The following SEZ6L variants were observed in gnomAD, a reference collection of about 807,000 sequenced individuals.
The protein encoded by SEZ6L is seizure related 6 homolog like, also known as seizure 6-like protein.
SEZ6L carries 37 observed loss-of-function variants against 106.2 expected under a neutral mutation model. That is an observed-to-expected ratio of 0.35 (90% CI 0.27 to 0.46). The LOEUF (loss-of-function observed/expected upper bound fraction) is 0.46, where lower values mean the gene tolerates loss of function less well. Ranked by LOEUF, SEZ6L falls within the 20% of genes least tolerant of loss-of-function variation. The pLI, the probability that SEZ6L is intolerant of heterozygous loss-of-function variation, is 1.00. For missense variants in SEZ6L, 1,172 were observed against 1,332.8 expected (o/e 0.88, Z 1.88); for synonymous variants, 541 against 570.4 (o/e 0.95, Z 0.73).
intron 1 of SEZ6L, among the ~76,000 whole-genome samples, chr22:26,232,346 T>TCACACACA (rs10654892): frequency 0.011 from 1,432 of 133,242 alleles, 19 homozygotes; most frequent in Middle Eastern, 0.022. Context: ...TCTCTGTCTT[T>TCACACACA]CACACACACA....
chr22:26,292,470 G>A lies in SEZ6L; in HGVS notation c.159G>A (p.Glu53=). The A allele has an allele frequency of 6.2e-7, 1 of 1,613,996 alleles. No homozygotes were observed. The highest frequency in any genetic ancestry group is 1.3e-5 in the African/African-American group (1 of 75,038). The change falls in exon 2 of 17, where the codon GAG becomes GAA. Residue 53 remains glutamate (E), a synonymous_variant. Transcript: ENST00000248933. ...ACCTCCTGCCCTCAGGAGCCCCGGA[G>A]AGAGGCAGTCCTGGCAAAGAGCACC... The part of the protein sequence containing the change: ...GPYLLPSGAP[E]RGSPGKEHPE...
At chr22:26,299,973 C>T (rs2081403298) in intron 5 of SEZ6L, among the ~76,000 whole-genome samples, 1 of 152,204 alleles carries the variant, frequency 6.6e-6, no homozygotes, top group Non-Finnish European at 1.5e-5. Context: ...TCTCCACATC[C>T]TTGCCCACAT....
rs146209620 is a variant in SEZ6L, at chr22:26,226,620, G to A, written c.94+56857G>A. Among the ~76,000 whole-genome samples, 360 of 152,252 alleles carry A rather than the reference G, an allele frequency of 2.4e-3. 2 individuals are homozygous for A. Among genetic ancestry groups the A allele is most frequent in the African/African-American group, 8.1e-3 (336 of 41,536 alleles). On this transcript the variant is annotated intron_variant, in intron 1 of 16. Transcript: ENST00000248933. ...ATTCAGTGGAAATCAGACTCCTGGT[G>A]AGCTCTGTGGCAGAAACTGTGGATA...
intron 5 of SEZ6L, 78 bp from the exon 6 acceptor site, chr22:26,305,901 T>G: frequency 7.1e-7 from 1 of 1,402,782 alleles, no homozygotes; most frequent in Non-Finnish European, 9.9e-7. Context: ...TCTCTCTCTC[T>G]CTCTTTCTCT....
intron 4 of SEZ6L, 41 bp from the exon 5 acceptor site, chr22:26,298,943 C>T (rs367676441): frequency 9.3e-5 from 141 of 1,508,228 alleles, no homozygotes; most frequent in Non-Finnish European, 1.2e-4. Context: ...TGATCTGCCA[C>T]TCCAAGTGAT....
chr22:26,357,228 C>T (rs1030462145), intron 12 of SEZ6L, among the ~76,000 whole-genome samples: 3 of 152,258 alleles, frequency 2.0e-5, no homozygotes, highest in African/African-American at 4.8e-5. Flanking sequence ...TACAGCCATG[C>T]GCCACTGTGC....
intron 1 of SEZ6L, among the ~76,000 whole-genome samples, chr22:26,189,965 C>T (rs572714615): frequency 1.8e-4 from 27 of 152,044 alleles, no homozygotes; most frequent in Middle Eastern, 3.4e-3. Flanking sequence ...GGCGTGGTGG[C>T]GGGCACCTGT....
At chr22:26,359,318 G>A (rs1369664121) in intron 12 of SEZ6L, among the ~76,000 whole-genome samples, 2 of 152,184 alleles carry the variant, frequency 1.3e-5, no homozygotes, top group Non-Finnish European at 2.9e-5. Flanking sequence ...CTTCCTGCTT[G>A]AGGGGACTTT....
chr22:26,266,646 A>G (rs548024921), intron 1 of SEZ6L, among the ~76,000 whole-genome samples: 100 of 152,082 alleles, frequency 6.6e-4, no homozygotes, highest in African/African-American at 2.3e-3. Flanking sequence ...AAGAATAAAA[A>G]CCAAGGCCCC....
chr22:26,239,234 G>C (rs1240136924), intron 1 of SEZ6L, among the ~76,000 whole-genome samples: 1 of 152,160 alleles, frequency 6.6e-6, no homozygotes, highest in African/African-American at 2.4e-5. Context: ...AAAAAAAGGA[G>C]GGGGAGCATC....
At chr22:26,343,556 TA>T (rs2082913238) in intron 10 of SEZ6L, among the ~76,000 whole-genome samples, 1 of 152,190 alleles carries the variant, frequency 6.6e-6, no homozygotes, top group Non-Finnish European at 1.5e-5. Context: ...ATTTGGTTCA[TA>T]AAAAATCCCT....
At chr22:26,363,678 G>A (rs2083710947) in intron 12 of SEZ6L, among the ~76,000 whole-genome samples, 1 of 152,200 alleles carries the variant, frequency 6.6e-6, no homozygotes, top group South Asian at 2.1e-4. Flanking sequence ...GACAGTTTCT[G>A]TGGGTCAGAA....
chr22:26,369,179 C>A (rs1425104650), intron 13 of SEZ6L, among the ~76,000 whole-genome samples: 1 of 151,576 alleles, frequency 6.6e-6, no homozygotes, highest in Admixed American at 6.6e-5. Flanking sequence ...TTCTGATTCA[C>A]TGGGTCTAAA....
At position 26,306,161 on chromosome 22, in the gene SEZ6L, C is replaced by T. The variant is rs1437888548; in HGVS notation, c.1514+17C>T. The T allele has an allele frequency of 6.2e-7, 1 of 1,609,892 alleles. No individual in the cohort carries two copies. The highest frequency in any genetic ancestry group is 8.5e-7 in the Non-Finnish European group (1 of 1,179,186). On this transcript the variant is annotated intron_variant, in intron 6 of 16. Transcript: ENST00000248933. ...CAAGGACAGGTAAAGCTCTGAAGGT[C>T]CACACCCAACCCCGTTTCTTCCCAG...
At position 26,318,652 on chromosome 22, in the gene SEZ6L, T is replaced by C. The variant is rs756238582; in HGVS notation, c.2015+4750T>C. Among the ~76,000 whole-genome samples, 70 of 152,352 alleles carry C rather than the reference T, an allele frequency of 4.6e-4. No individual in the cohort carries two copies. In the Middle Eastern group the frequency reaches 0.01, roughly 22 times the overall value. On this transcript the variant is annotated intron_variant, in intron 9 of 16. Transcript: ENST00000248933. ...AATCCCATGAAGTAGTTGCAACTATTACATTTAATTATATCCTCTTGCTTC... is the reference window on the plus strand; with the variant it reads ...AATCCCATGAAGTAGTTGCAACTATCACATTTAATTATATCCTCTTGCTTC...
chr22:26,369,341 C>CTTTTTT lies in SEZ6L; in HGVS notation c.2794+3779_2794+3780insTTTTTT, dbSNP rs199641007. Among the ~76,000 whole-genome samples, 129 of 103,600 alleles carry CTTTTTT rather than the reference C, an allele frequency of 1.2e-3. 19 individuals carry two copies. The highest frequency in any genetic ancestry group is 8.3e-3 in the East Asian group (19 of 2,276). 68.0% of individuals were successfully genotyped at this position (103,600 alleles called of 152,430 possible). A position where few individuals can be genotyped will look rare whatever the true frequency, so the allele number is the denominator to read the frequency against. ...ATGACAATGACTTATATAAGCAGTT[C>CTTTTTT]TTTTGTTTTTTTTTTTGAGACAGAT... On this transcript the variant is annotated intron_variant, in intron 13 of 16. Transcript: ENST00000248933.
rs2084469141 is a variant in SEZ6L at position 26,383,333 on chromosome 22, G to A, written c.*3038G>A. 1 of 151,904 alleles carries A rather than the reference G, an allele frequency of 6.6e-6. No individual in the cohort carries two copies. The highest frequency in any genetic ancestry group is 1.5e-5 in the Non-Finnish European group (1 of 67,992). 9.4% of individuals were successfully genotyped at this position (151,904 alleles called of 1,614,324 possible). A position where few individuals can be genotyped will look rare whatever the true frequency, so the allele number is the denominator to read the frequency against. ...TGTGGGTAGCTTTAGGCTGAGGCAC[G>A]GGCCTCAGGCAAAAATGCCCTTCGA... is the stretch of plus-strand genomic sequence containing the variant. On this transcript the variant is annotated 3_prime_UTR_variant, in exon 17 of 17. Coordinates refer to ENST00000248933, the MANE Select transcript of SEZ6L (RefSeq NM_021115.5).
At chr22:26,350,945 C>G in intron 11 of SEZ6L, 107 bp from the exon 12 acceptor site, 3 of 1,214,996 alleles carry the variant, frequency 2.5e-6, no homozygotes, top group East Asian at 2.5e-5. Context: ...CGTGAGCCAC[C>G]GCACCCGGCC....
intron 1 of SEZ6L, among the ~76,000 whole-genome samples, chr22:26,203,028 T>A (rs1303512901): frequency 6.6e-6 from 1 of 152,242 alleles, no homozygotes; most frequent in African/African-American, 2.4e-5. Flanking sequence ...CAGCTCCCAC[T>A]GGTGGAGCAA....
Sources: gnomAD v4.1 joint callset for allele counts (sites outside exome capture counted in the v4.1 genomes callset) on GRCh38, gnomAD v4.1.1 for gene constraint, MANE v1.5 for transcripts, NCBI Gene and HGNC (gene_info 2026-07-23, HGNC 2026-07-21) for gene names.